Variants in LITAF observed in about 807,000 individuals in gnomAD.
LITAF encodes the protein lipopolysaccharide-induced tumor necrosis factor-alpha factor.
LITAF carries 9 observed loss-of-function variants against 14.5 expected under a neutral mutation model. The ratio of observed to expected loss-of-function variants is 0.62; its 90% CI spans 0.37 to 1.08. The LOEUF (loss-of-function observed/expected upper bound fraction) is 1.08. Ranked by LOEUF, LITAF falls within the 50% of genes least tolerant of loss-of-function variation. LITAF has a pLI of 0.01. For synonymous variants in LITAF, 98 were observed against 88.2 expected (o/e 1.11, Z -0.62); for missense variants, 206 against 213.4 (o/e 0.97, Z 0.22).
At chr16:11,638,259 G>T (rs2065151236), upstream of LITAF, among the ~76,000 whole-genome samples, 1 of 151,378 alleles carries the variant, frequency 6.6e-6, no homozygotes, top group Non-Finnish European at 1.5e-5. Context: ...TTCCCCATAG[G>T]TTTGGGGTGA....
chr16:11,634,917 C>A lies in LITAF; in HGVS notation c.-21+908G>T, dbSNP rs1294067228. ...GGCGTGTTGGTGGGCACCTATAATC[C>A]CAGCTATTTGGGAGGCTGAGGCAGG... On this transcript the variant is annotated intron_variant, in intron 2 of 3. Transcript: ENST00000574848. The surrounding 1 kb of genome is among the most constrained non-coding windows in gnomAD (Gnocchi z 4.1). Among the ~76,000 whole-genome samples the A allele has an allele frequency of 6.6e-6, 1 of 151,994 alleles. No individual in the cohort carries two copies. Among genetic ancestry groups the A allele is most frequent in the East Asian group, 1.9e-4 (1 of 5,192 alleles).
At chr16:11,570,828 T>C (rs1402082613) in intron 1 of LITAF, among the ~76,000 whole-genome samples, 2 of 149,870 alleles carry the variant, frequency 1.3e-5, no homozygotes, top group Non-Finnish European at 3.0e-5. Flanking sequence ...AGAAGGAGGT[T>C]GGGGGGTGGG....
chr16:11,596,143 C>T (rs1011575384), intron 1 of LITAF, among the ~76,000 whole-genome samples: 6 of 152,096 alleles, frequency 3.9e-5, no homozygotes, highest in Admixed American at 3.3e-4. Flanking sequence ...CCCTTCCCCT[C>T]GGGGTGTGGG....
rs56981647 is a variant in LITAF, at chr16:11,606,845, A to C, written c.85+26688T>G. On this transcript the variant is annotated intron_variant, in intron 3 of 3. Transcript: ENST00000574848. ...GTAGAGGTGGGGTTTTGCCATGTTGACCAGAGTGGTTTCGAACTCCTGACC... is the reference window on the plus strand; with the variant it reads ...GTAGAGGTGGGGTTTTGCCATGTTGCCCAGAGTGGTTTCGAACTCCTGACC... Among the ~76,000 whole-genome samples, 744 of 151,880 alleles carry C rather than the reference A, an allele frequency of 4.9e-3. 4 individuals carry two copies. The highest frequency in any genetic ancestry group is 0.017 in the African/African-American group (712 of 41,420).
chr16:11,633,642 A>G (rs2065127528), intron 2 of LITAF: 1 of 152,148 alleles, frequency 6.6e-6, no homozygotes, highest in African/African-American at 2.4e-5. Context: ...GTTACCCTAG[A>G]TGGTCCAAAA....
At chr16:11,571,024 A>G (rs1466695454) in intron 1 of LITAF, among the ~76,000 whole-genome samples, 1 of 151,800 alleles carries the variant, frequency 6.6e-6, no homozygotes, top group East Asian at 1.9e-4. Flanking sequence ...AAGACCATGG[A>G]TTTTCCCCAG....
At chr16:11,623,207 T>C (rs8055713) in intron 3 of LITAF, among the ~76,000 whole-genome samples, 136,237 of 151,190 alleles carry the variant, frequency 0.9, 61,547 homozygotes, top group East Asian at 0.99. Context: ...GTGATCCACC[T>C]GCCTCAGCCT....
At chr16:11,608,717 C>T (rs1289075134) in intron 3 of LITAF, among the ~76,000 whole-genome samples, 2 of 152,190 alleles carry the variant, frequency 1.3e-5, no homozygotes, top group South Asian at 4.1e-4. Context: ...AATCCCAGCA[C>T]TTTGGGAGGC....
upstream of LITAF, among the ~76,000 whole-genome samples, chr16:11,640,200 C>T (rs1441134035): frequency 1.3e-5 from 2 of 152,166 alleles, no homozygotes; most frequent in Non-Finnish European, 2.9e-5. Flanking sequence ...AGCACTGCAT[C>T]CAGCACATAG....
chr16:11,590,616 T>G (rs1485491530), upstream of LITAF, among the ~76,000 whole-genome samples: 5 of 118,072 alleles, frequency 4.2e-5, 1 homozygote, highest in East Asian at 1.2e-3. Context: ...TAGATTGGTG[T>G]TTAATTGAAT....
At chr16:11,626,771 C>T (rs916065528) in intron 3 of LITAF, among the ~76,000 whole-genome samples, 1 of 152,284 alleles carries the variant, frequency 6.6e-6, no homozygotes, top group African/African-American at 2.4e-5. Context: ...CTTGCCCGGC[C>T]TTTTAAAACA....
chr16:11,567,722 C>A (rs1433524694), intron 1 of LITAF, among the ~76,000 whole-genome samples: 1 of 152,078 alleles, frequency 6.6e-6, no homozygotes, highest in Non-Finnish European at 1.5e-5. Flanking sequence ...TGGTGGCTCA[C>A]GCCTGTAATC....
chr16:11,613,938 C>T (rs912010118), intron 3 of LITAF, among the ~76,000 whole-genome samples: 3 of 152,240 alleles, frequency 2.0e-5, no homozygotes, highest in Non-Finnish European at 2.9e-5. Flanking sequence ...TTGAGATCAA[C>T]GCCTGTGTTC....
intron 1 of LITAF, among the ~76,000 whole-genome samples, chr16:11,568,168 G>T (rs974132980): frequency 3.3e-5 from 5 of 151,554 alleles, no homozygotes; most frequent in African/African-American, 9.7e-5. Flanking sequence ...TGCACCTGCA[G>T]TCCAAGCTAC....
Position 11,548,550 on chromosome 16 carries a change from C to G in LITAF, c.*1087G>C, listed in dbSNP as rs1597323331. ...AGGTGTTTAAGAATCACATTAACCC[C>G]AAGTAAAGGCAGTAGATGAAATTAT... On this transcript the variant is annotated 3_prime_UTR_variant, in exon 4 of 4. Coordinates refer to ENST00000622633, the MANE Select transcript of LITAF (RefSeq NM_001136472.2). 2.2e-6 allele frequency: 1 copy of G among 453,374 alleles called. No individual in the cohort carries two copies. The highest frequency in any genetic ancestry group is 4.4e-6 in the Non-Finnish European group (1 of 226,730). The allele number at this position is 453,374 out of a possible 1,614,324, so 28.1% of individuals were successfully genotyped here.
chr16:11,627,699 C>G (rs1043746105), intron 3 of LITAF, among the ~76,000 whole-genome samples: 2 of 152,144 alleles, frequency 1.3e-5, no homozygotes, highest in Non-Finnish European at 2.9e-5. Flanking sequence ...CAAAAATTAG[C>G]CAGGTGTGGT....
rs575315355 is a variant in LITAF at position 11,630,359 on chromosome 16, C to T, written c.85+3174G>A. 7.5e-4 allele frequency among the ~76,000 whole-genome samples: 114 copies of T among 152,300 alleles called. 2 individuals are homozygous for T. In the South Asian group the frequency reaches 0.018, roughly 24 times the overall value. On this transcript the variant is annotated intron_variant, in intron 3 of 3. Transcript: ENST00000574848. ...TGGCCACAGTGCTACTTTGAAACTG[C>T]TTTAAACTCGCCAATGATGTCCTAA...
rs563504869 is a variant in LITAF at position 11,597,696 on chromosome 16, G to C, written c.-6+692C>G. Reference sequence around the variant, plus strand: ...CCTAAGAACCTTCCCTTCCAAAACAGTGTCCTACAGAGCCCAACTCACAGA... The same window carrying C: ...CCTAAGAACCTTCCCTTCCAAAACACTGTCCTACAGAGCCCAACTCACAGA... On this transcript the variant is annotated intron_variant, in intron 1 of 3. Coordinates refer to the LITAF transcript ENST00000571627. Among the ~76,000 whole-genome samples the C allele has an allele frequency of 2.0e-5, 3 of 152,094 alleles. No individual in the cohort carries two copies. In the East Asian group the frequency reaches 5.8e-4, roughly 29 times the overall value.
chr16:11,611,240 G>A (rs889846806), intron 3 of LITAF, among the ~76,000 whole-genome samples: 5 of 152,092 alleles, frequency 3.3e-5, no homozygotes, highest in African/African-American at 1.2e-4. Flanking sequence ...CAACTCGGGA[G>A]GCTGAGCTGG....
Sources: gnomAD v4.1 joint callset for allele counts (sites outside exome capture counted in the v4.1 genomes callset) on GRCh38, gnomAD v4.1.1 for gene constraint, Gnocchi (gnomAD v3.1) non-coding constraint, MANE v1.5 for transcripts, NCBI Gene and HGNC (gene_info 2026-07-23, HGNC 2026-07-21) for gene names.